The following ACER1 variants were observed in gnomAD, a reference collection of about 807,000 sequenced individuals.
ACER1 encodes the protein alkaline ceramidase 1.
In ACER1, 28 loss-of-function variants were observed where a neutral mutation model predicts 24.9. The ratio of observed to expected loss-of-function variants is 1.13; its 90% confidence interval spans 0.83 to 1.54. ACER1 has a LOEUF of 1.54. ACER1 is among the 40% of genes most tolerant of loss of function. The pLI is 0.00. For missense variants in ACER1, 352 were observed against 349.3 expected, an observed-to-expected ratio of 1.01 and a Z score of -0.06; for synonymous variants, 132 against 131.4, an observed-to-expected ratio of 1.00 and a Z score of -0.03.
the ACER1 span, among the ~76,000 whole-genome samples, chr19:6,358,649 A>G: frequency 6.7e-6 from 1 of 148,824 alleles, no homozygotes; most frequent in Admixed American, 6.7e-5. Flanking sequence ...AAAAGAGTCC[A>G]GTGGCCGGGC....
At chr19:6,323,289 G>C (rs10424165) in intron 1 of ACER1, among the ~76,000 whole-genome samples, 2 of 151,470 alleles carry the variant, frequency 1.3e-5, no homozygotes, top group African/African-American at 4.9e-5. Flanking sequence ...GCGAGGTGGC[G>C]GGTGCCTGTA....
At chr19:6,357,626 T>C in the ACER1 span, among the ~76,000 whole-genome samples, 10 of 150,886 alleles carry the variant, frequency 6.6e-5, no homozygotes, top group Non-Finnish European at 1.3e-4. Context: ...ACAAAACTTA[T>C]CTGGGCGTGA....
the ACER1 span, among the ~76,000 whole-genome samples, chr19:6,349,746 C>T: frequency 6.6e-6 from 1 of 152,116 alleles, no homozygotes; most frequent in South Asian, 2.1e-4. Context: ...AGGGAGGTGG[C>T]TCTCTGCACC....
Position 6,309,767 on chromosome 19 carries a change from T to G in ACER1, c.418A>C (p.Thr140Pro). The change falls in exon 4 of 6, where the codon ACG becomes CCG. Residue 140 changes from threonine (T) to proline (P), a missense_variant. By Grantham distance (38) the Thr-to-Pro change is conservative (BLOSUM62 -1). Coordinates refer to ENST00000301452, the MANE Select transcript of ACER1 (RefSeq NM_133492.3). ...VSTLLSFLRP[T>P]VNAYALNSIA... Reference sequence around the variant, plus strand: ...CTGTTGAGGGCGTAGGCGTTGACCGTGGGCCGCAGGAAGGACAGAAGGGTG... The same window carrying G: ...CTGTTGAGGGCGTAGGCGTTGACCGGGGGCCGCAGGAAGGACAGAAGGGTG... 6.2e-7 allele frequency: 1 copy of G among 1,614,030 alleles called. No individual in the cohort carries two copies. The highest frequency in any genetic ancestry group is 8.5e-7 in the Non-Finnish European group (1 of 1,179,988).
chr19:6,323,503 T>C (rs766932610), intron 1 of ACER1, among the ~76,000 whole-genome samples: 16 of 152,098 alleles, frequency 1.1e-4, no homozygotes, highest in South Asian at 2.1e-4. Flanking sequence ...CCACGTAAGA[T>C]GTGACTTGCT....
intron 3 of ACER1, among the ~76,000 whole-genome samples, chr19:6,310,536 C>G (rs1486006215): frequency 1.3e-5 from 2 of 151,952 alleles, no homozygotes; most frequent in Non-Finnish European, 2.9e-5. Context: ...CGCCACGGCA[C>G]TCCAGCCTGG....
intron 1 of ACER1, among the ~76,000 whole-genome samples, chr19:6,317,262 C>A (rs2091607709): frequency 6.6e-6 from 1 of 152,234 alleles, no homozygotes; most frequent in Admixed American, 6.6e-5. Context: ...GCGTGAGCCA[C>A]TGCACCCAGC....
chr19:6,329,996 G>A (rs921702206), intron 1 of ACER1, among the ~76,000 whole-genome samples: 1 of 138,834 alleles, frequency 7.2e-6, no homozygotes, highest in South Asian at 2.5e-4. Flanking sequence ...TCAGCCTCCC[G>A]AGTAGCTGGG....
intron 1 of ACER1, among the ~76,000 whole-genome samples, chr19:6,332,489 T>C (rs1239470020): frequency 6.6e-6 from 1 of 151,942 alleles, no homozygotes; most frequent in African/African-American, 2.4e-5. Flanking sequence ...CCCAGGCTGG[T>C]CTGGAACTCC....
intron 1 of ACER1, among the ~76,000 whole-genome samples, chr19:6,327,457 C>T (rs1267225877): frequency 1.3e-5 from 2 of 151,736 alleles, no homozygotes; most frequent in Non-Finnish European, 2.9e-5. Context: ...CCCAGCTACT[C>T]GGGAGGCTGA....
intron 1 of ACER1, among the ~76,000 whole-genome samples, chr19:6,319,343 A>T (rs2091619163): frequency 1.3e-5 from 2 of 152,028 alleles, no homozygotes; most frequent in African/African-American, 4.8e-5. Context: ...CTCAGCCCCC[A>T]CGTTCCCTGC....
intron 3 of ACER1, among the ~76,000 whole-genome samples, chr19:6,311,107 G>T (rs1235009420): frequency 6.6e-6 from 1 of 151,746 alleles, no homozygotes; most frequent in Non-Finnish European, 1.5e-5. Flanking sequence ...TCCCAGCTGG[G>T]CTGAGAAGAG....
At chr19:6,319,288 C>T (rs529514663) in intron 1 of ACER1, among the ~76,000 whole-genome samples, 9 of 152,100 alleles carry the variant, frequency 5.9e-5, no homozygotes, top group South Asian at 2.1e-4. Context: ...CCGATAACAT[C>T]GGAAACTGCC....
At position 6,307,215 on chromosome 19, in the gene ACER1, G is replaced by A; in HGVS notation, c.564C>T (p.Ile188=). Residue 188 remains isoleucine (I), a synonymous_variant, in exon 5 of 6, where the codon ATC becomes ATT. Transcript: ENST00000301452. ...VLWAVALTSW[I]SDRLLCSFWQ... ...AGAAGCTGCAAAGCAGACGGTCACT[G>A]ATCCAGCTGGTCAGAGCAACAGCCC... The A allele has an allele frequency of 6.2e-7, 1 of 1,614,156 alleles. No homozygotes were observed. Among genetic ancestry groups the A allele is most frequent in the Non-Finnish European group, 8.5e-7 (1 of 1,180,038 alleles).
At chr19:6,327,210 C>T (rs1418401603) in intron 1 of ACER1, among the ~76,000 whole-genome samples, 2 of 152,128 alleles carry the variant, frequency 1.3e-5, no homozygotes, top group African/African-American at 4.8e-5. Flanking sequence ...GCAGGCAGAT[C>T]GCCTGAGGTC....
At chr19:6,314,706 T>G (rs1307141610) in intron 1 of ACER1, among the ~76,000 whole-genome samples, 4 of 152,024 alleles carry the variant, frequency 2.6e-5, no homozygotes, top group African/African-American at 9.7e-5. Flanking sequence ...GGACTACCAT[T>G]TGATCCAGCA....
intron 1 of ACER1, among the ~76,000 whole-genome samples, chr19:6,330,014 G>A (rs1163539039): frequency 8.6e-5 from 13 of 151,338 alleles, no homozygotes; most frequent in African/African-American, 2.7e-4. Context: ...GGGACCACAG[G>A]CGCCCGCCAC....
At chr19:6,311,643 A>G (rs565558527) in intron 3 of ACER1, among the ~76,000 whole-genome samples, 67 of 148,326 alleles carry the variant, frequency 4.5e-4, no homozygotes, top group African/African-American at 1.5e-3. Context: ...GAAGAAGAAG[A>G]AGAAGGAGAA....
At chr19:6,355,012 A>G in the ACER1 span, among the ~76,000 whole-genome samples, 8 of 151,960 alleles carry the variant, frequency 5.3e-5, no homozygotes, top group African/African-American at 1.5e-4. Context: ...TTTGGTGGAG[A>G]CGGGGTTTCG....
Sources: gnomAD v4.1 joint callset for allele counts (sites outside exome capture counted in the v4.1 genomes callset) on GRCh38, gnomAD v4.1.1 for gene constraint, MANE v1.5 for transcripts, NCBI Gene and HGNC (gene_info 2026-07-23, HGNC 2026-07-21) for gene names.